The following ESR2 variants were observed in gnomAD, a reference collection of about 807,000 sequenced individuals.
ESR2 encodes estrogen receptor 2, also known as estrogen receptor beta.
Under a neutral mutation model 49.6 loss-of-function variants are expected in ESR2, and 36 were observed. The ratio of observed to expected loss-of-function variants is 0.73; its 90% CI spans 0.56 to 0.96. The LOEUF is 0.96. Among genes scored for constraint, ESR2 ranks in the 40% least tolerant of loss-of-function variants. The pLI, the probability that ESR2 is intolerant of heterozygous loss-of-function variation, is 0.00. For synonymous variants in ESR2, 320 were observed against 266.1 expected, an observed-to-expected ratio of 1.20 and a Z score of -1.97; for missense variants, 714 against 693.0, an observed-to-expected ratio of 1.03 and a Z score of -0.34.
At chr14:64,332,737 T>C (rs183778024) in intron 1 of ESR2, among the ~76,000 whole-genome samples, 2 of 148,098 alleles carry the variant, frequency 1.4e-5, no homozygotes, top group East Asian at 4.1e-4. Flanking sequence ...GAGGCGGAGC[T>C]TGCAGTGAGC....
At chr14:64,326,430 C>T (rs1157983538) in intron 1 of ESR2, among the ~76,000 whole-genome samples, 2 of 152,102 alleles carry the variant, frequency 1.3e-5, no homozygotes, top group African/African-American at 2.4e-5. Flanking sequence ...TACACCTACA[C>T]TCATTTATTA....
In ESR2 at chr14:64,276,076, C is replaced by T. The variant is rs148945465; in HGVS notation, c.535+3905G>A. On this transcript the variant is annotated intron_variant, in intron 3 of 8. Coordinates refer to ENST00000341099, the MANE Select transcript of ESR2 (RefSeq NM_001437.3). ...ACAAACTATTAAATAACAAAATATGCGCAAAAGTTTATATAATGCCTGGGT... is the reference window on the plus strand; with the variant it reads ...ACAAACTATTAAATAACAAAATATGTGCAAAAGTTTATATAATGCCTGGGT... Among the ~76,000 whole-genome samples the T allele has an allele frequency of 3.1e-3, 476 of 152,042 alleles. 1 individual carries two copies. The highest frequency in any genetic ancestry group is 4.3e-3 in the Admixed American group (66 of 15,258).
At chr14:64,278,597 T>G (rs2076603005) in intron 3 of ESR2, among the ~76,000 whole-genome samples, 1 of 152,194 alleles carries the variant, frequency 6.6e-6, no homozygotes, top group African/African-American at 2.4e-5. Context: ...AGCTTTCAGA[T>G]GGAAACATAG....
At chr14:64,283,322 G>A (rs953822091) in intron 1 of ESR2, among the ~76,000 whole-genome samples, 42 of 151,948 alleles carry the variant, frequency 2.8e-4, no homozygotes, top group African/African-American at 9.4e-4. Context: ...GTTTAATCAC[G>A]AAAATTTATT....
chr14:64,248,373 G>A (rs1161705254), intron 7 of ESR2, among the ~76,000 whole-genome samples: 3 of 151,696 alleles, frequency 2.0e-5, no homozygotes, highest in African/African-American at 7.3e-5. Context: ...ACCAGGTCTG[G>A]TGGTATGCAC....
At chr14:64,259,902 G>T (rs1045443234) in intron 5 of ESR2, among the ~76,000 whole-genome samples, 3 of 152,088 alleles carry the variant, frequency 2.0e-5, no homozygotes, top group Non-Finnish European at 4.4e-5. Flanking sequence ...TCAAGGTGAG[G>T]AATCCACAGC....
intron 6 of ESR2, 58 bp from the exon 7 acceptor site, chr14:64,249,737 C>T: frequency 6.5e-7 from 1 of 1,529,794 alleles, no homozygotes. Flanking sequence ...ATCAAAAAAA[C>T]AATAAGGAAT....
At chr14:64,295,184 C>T (rs539065018), upstream of ESR2, among the ~76,000 whole-genome samples, 5 of 131,870 alleles carry the variant, frequency 3.8e-5, no homozygotes, top group African/African-American at 1.7e-4. Flanking sequence ...ATGTGACCCA[C>T]AGGCCATTGT....
chr14:64,275,752 C>T (rs2076546700), intron 3 of ESR2, among the ~76,000 whole-genome samples: 1 of 152,024 alleles, frequency 6.6e-6, no homozygotes, highest in African/African-American at 2.4e-5. Flanking sequence ...TTGGTTCTTC[C>T]TTTAGACTTT....
At chr14:64,270,409 T>G (rs550666223) in intron 3 of ESR2, among the ~76,000 whole-genome samples, 17 of 152,352 alleles carry the variant, frequency 1.1e-4, no homozygotes, top group Middle Eastern at 3.4e-3. Flanking sequence ...TTATATTCTA[T>G]TTCATTGTTT....
At chr14:64,335,790 T>TA (rs2077522097) in intron 1 of ESR2, 1 of 148,832 alleles carries the variant, frequency 6.7e-6, no homozygotes, top group South Asian at 2.1e-4. Flanking sequence ...AATGCTGTGA[T>TA]AAACACCTTT....
In ESR2 at chr14:64,315,994, T is replaced by C. The variant is rs544616586; in HGVS notation, c.-91+21904A>G. ...AATTGCCCTTAACTATTAAAGAGAT[T>C]GAATTTATAATTTATTTTTACTTTT... is the stretch of plus-strand genomic sequence containing the variant. On this transcript the variant is annotated intron_variant, in intron 1 of 8. Transcript: ENST00000358599. Among the ~76,000 whole-genome samples, 5 of 151,864 alleles carry C rather than the reference T, an allele frequency of 3.3e-5. No homozygotes were observed. The South Asian group carries it at 1.0e-3, about 32-fold the overall frequency.
downstream of ESR2, chr14:64,227,186 C>A (rs1480697597): frequency 1.7e-5 from 5 of 298,832 alleles, no homozygotes; most frequent in East Asian, 2.4e-4. Flanking sequence ...GTCCCCTCCT[C>A]CCCTTCTCTG....
rs1040713342 is a variant in ESR2, at chr14:64,260,645, C to T, written c.756G>A (p.Ala252=). 4 of 1,607,966 alleles carry T rather than the reference C, an allele frequency of 2.5e-6. No homozygotes were observed. Among genetic ancestry groups the T allele is most frequent in the East Asian group, 2.2e-5 (1 of 44,652 alleles). ...CCAGCAGCAGCTCCCGCACTCGGGG[C>T]GCGTGGCCGCCACTTCTCTTGGCCT... ...AGKAKRSGGH[A]PRVRELLLDA... is the part of the protein sequence containing the mutation. The change falls in exon 5 of 9, where the codon GCG becomes GCA. Residue 252 remains alanine, a synonymous_variant. Transcript: ENST00000341099.
At chr14:64,264,965 A>G (rs370668068) in intron 4 of ESR2, among the ~76,000 whole-genome samples, 17 of 152,134 alleles carry the variant, frequency 1.1e-4, no homozygotes, top group African/African-American at 4.1e-4. Context: ...TAAGGAATTT[A>G]CAAAACAGAT....
chr14:64,326,659 A>G (rs928318647), intron 1 of ESR2, among the ~76,000 whole-genome samples: 6 of 152,124 alleles, frequency 3.9e-5, no homozygotes, highest in African/African-American at 1.4e-4. Context: ...TTTATACCCT[A>G]CTTCAACCAC....
At chr14:64,308,304 G>A (rs1472312909) in intron 1 of ESR2, among the ~76,000 whole-genome samples, 10 of 152,074 alleles carry the variant, frequency 6.6e-5, no homozygotes, top group East Asian at 3.8e-4. Context: ...ATGAGACACC[G>A]CGCCGGGCCC....
At chr14:64,276,381 T>A (rs143713281) in intron 3 of ESR2, among the ~76,000 whole-genome samples, 2 of 152,302 alleles carry the variant, frequency 1.3e-5, no homozygotes, top group Admixed American at 1.3e-4. Flanking sequence ...TTTACCTCAC[T>A]AATAAAGAGA....
At chr14:64,326,391 A>G (rs773821950) in intron 1 of ESR2, among the ~76,000 whole-genome samples, 16 of 152,140 alleles carry the variant, frequency 1.1e-4, no homozygotes, top group Non-Finnish European at 2.2e-4. Flanking sequence ...CAGCTTTGTG[A>G]TTCATGTGTG....
Sources: allele counts gnomAD v4.1 joint callset (sites outside exome capture counted in the v4.1 genomes callset), GRCh38; gene constraint gnomAD v4.1.1; transcripts MANE v1.5; gene names NCBI Gene and HGNC (gene_info 2026-07-23, HGNC 2026-07-21).